Variants in CCDC73 observed in about 807,000 individuals in gnomAD.
CCDC73 encodes the protein coiled-coil domain containing 73.
In CCDC73, 95 loss-of-function variants were observed where a neutral mutation model predicts 116.5. The ratio of observed to expected loss-of-function variants is 0.82; its 90% CI spans 0.69 to 0.97. The LOEUF (loss-of-function observed/expected upper bound fraction) is 0.97, where lower values mean the gene tolerates loss of function less well. Among genes scored for constraint, CCDC73 ranks in the 50% least tolerant of loss-of-function variants. The probability of loss-of-function intolerance (pLI) is 0.00; values close to 1 mark genes in which losing one functional copy is unlikely to be tolerated. For missense variants in CCDC73, 1,066 were observed against 1,206.8 expected (o/e 0.88, Z 1.73); for synonymous variants, 398 against 401.3 (o/e 0.99, Z 0.10).
intron 2 of CCDC73, among the ~76,000 whole-genome samples, chr11:32,743,088 A>T (rs969659137): frequency 1.3e-5 from 2 of 152,040 alleles, no homozygotes; most frequent in African/African-American, 4.8e-5. Flanking sequence ...GTCAGGTAGC[A>T]TGATGCCTCC....
At chr11:32,829,865 A>G in the CCDC73 span, 1 of 985,514 alleles carries the variant, frequency 1.0e-6, no homozygotes, top group Non-Finnish European at 1.2e-6. Flanking sequence ...CGCCGCAGGT[A>G]GGCCCGGCCC....
chr11:32,643,670 A>C (rs917459764), intron 12 of CCDC73, among the ~76,000 whole-genome samples: 1 of 152,174 alleles, frequency 6.6e-6, no homozygotes, highest in Non-Finnish European at 1.5e-5. Flanking sequence ...AAGATTAAAA[A>C]TGGTACACAT....
intron 1 of CCDC73, among the ~76,000 whole-genome samples, chr11:32,783,532 C>T (rs190951621): frequency 1.2e-4 from 19 of 152,208 alleles, no homozygotes; most frequent in African/African-American, 3.9e-4. Flanking sequence ...CTGGGGAGTC[C>T]TAGATCAAAG....
intron 14 of CCDC73, among the ~76,000 whole-genome samples, chr11:32,621,383 C>T (rs780135337): frequency 1.8e-4 from 27 of 152,092 alleles, no homozygotes; most frequent in Non-Finnish European, 3.5e-4. Flanking sequence ...TCTACAACCA[C>T]CTGATCTTCG....
chr11:32,686,398 G>A (rs1856201394), intron 6 of CCDC73, among the ~76,000 whole-genome samples: 1 of 150,764 alleles, frequency 6.6e-6, no homozygotes, highest in South Asian at 2.1e-4. Flanking sequence ...GATGGATTAG[G>A]GGTTAGGAGA....
chr11:32,684,660 A>T (rs983667642), intron 6 of CCDC73, among the ~76,000 whole-genome samples: 1 of 152,178 alleles, frequency 6.6e-6, no homozygotes, highest in Non-Finnish European at 1.5e-5. Flanking sequence ...AAGTTCCAAG[A>T]AGCAGAATTT....
chr11:32,676,964 T>C (rs1284524540), intron 7 of CCDC73, among the ~76,000 whole-genome samples: 1 of 152,228 alleles, frequency 6.6e-6, no homozygotes, highest in Non-Finnish European at 1.5e-5. Context: ...ATACCTGCGA[T>C]ATGACTTTTA....
chr11:32,689,042 G>T lies in CCDC73; in HGVS notation c.391-5468C>A, dbSNP rs138707404. Among the ~76,000 whole-genome samples, 14 of 152,208 alleles carry T rather than the reference G, an allele frequency of 9.2e-5. No individual in the cohort carries two copies. The East Asian group carries it at 2.3e-3, about 25-fold the overall frequency. On this transcript the variant is annotated intron_variant, in intron 6 of 17. Transcript: ENST00000335185. ...AAGGGATCTAGCACACTGGTATAGA[G>T]AAAGGAATCTAGAAGAACAGCTAAT...
chr11:32,801,652 A>C, the CCDC73 span, among the ~76,000 whole-genome samples: 1 of 145,844 alleles, frequency 6.9e-6, no homozygotes, highest in Admixed American at 7.0e-5. Context: ...AAAAAAAAAA[A>C]ACAAACACTA....
At position 32,635,709 on chromosome 11, in the gene CCDC73, T is replaced by C; in HGVS notation, c.1172A>G (p.Asp391Gly). ...CTTAAATTTTACCTGAAACTTTTTG[T>C]CTTCCTCAAATGTTTTTTGATTGCA... The part of the protein sequence containing the change: ...KLCNQKTFEE[D>G]KKFQNVPEVN... The change falls in exon 14 of 18, where the codon GAC (aspartate) becomes GGC (glycine). Residue 391 changes from aspartate (D) to glycine (G), a missense_variant. Coordinates refer to ENST00000335185, the MANE Select transcript of CCDC73 (RefSeq NM_001008391.4). The C allele has an allele frequency of 7.6e-7, 1 of 1,311,712 alleles. No homozygotes were observed. The highest frequency in any genetic ancestry group is 2.2e-5 in the South Asian group (1 of 46,324). The allele number at this position is 1,311,712 out of a possible 1,614,324, so 81.3% of individuals were successfully genotyped here. A position where few individuals can be genotyped will look rare whatever the true frequency, so the allele number is the denominator to read the frequency against.
rs778510818 is a variant in CCDC73 at position 32,654,940 on chromosome 11, C to T, written c.678G>A (p.Lys226=). 1.9e-6 allele frequency: 3 copies of T among 1,602,198 alleles called. No individual in the cohort carries two copies. In the East Asian group the frequency reaches 6.7e-5, roughly 36 times the overall value. The part of the protein sequence containing the change: ...ELKKAASDLI[K]SKVTCQYKMG... The stretch of plus-strand genomic sequence containing the variant: ...TCTTATATTGACATGTGACTTTGGA[C>T]TTTATCAAGTCTGAGGCTGCTTTTT... The change falls in exon 10 of 18, where the codon AAG becomes AAA. Residue 226 remains lysine, a synonymous_variant. Coordinates refer to ENST00000335185, the MANE Select transcript of CCDC73 (RefSeq NM_001008391.4).
intron 17 of CCDC73, among the ~76,000 whole-genome samples, chr11:32,608,915 C>T (rs1855388059): frequency 6.6e-6 from 1 of 152,092 alleles, no homozygotes; most frequent in East Asian, 1.9e-4. Context: ...TGACTTGGCT[C>T]CTTTTAATCA....
the CCDC73 span, among the ~76,000 whole-genome samples, chr11:32,817,634 T>C: frequency 6.6e-6 from 1 of 152,198 alleles, no homozygotes; most frequent in African/African-American, 2.4e-5. Context: ...ACTATTCTCC[T>C]GTTTAAAAAT....
chr11:32,602,912 G>C lies in CCDC73; in HGVS notation c.3139C>G (p.Gln1047Glu). The C allele has an allele frequency of 2.5e-6, 4 of 1,611,806 alleles. No individual in the cohort carries two copies. Among genetic ancestry groups the C allele is most frequent in the Non-Finnish European group, 3.4e-6 (4 of 1,178,744 alleles). ...AGTAAATTTTCACTTTTATTTAGTTGATTCGTAATGAGGCTCTGCCAGTCA... is the reference window on the plus strand; with the variant it reads ...AGTAAATTTTCACTTTTATTTAGTTCATTCGTAATGAGGCTCTGCCAGTCA... ...DDDWQSLITN[Q>E]LNKSENLLSL... The change falls in exon 18 of 18, where the codon CAA becomes GAA. Residue 1047 changes from glutamine to glutamate, a missense_variant. Physicochemically the swap from Gln to Glu is conservative, Grantham distance 29 (BLOSUM62 2). Transcript: ENST00000335185.
intron 2 of CCDC73, among the ~76,000 whole-genome samples, chr11:32,756,735 GT>G (rs1425595566): frequency 6.6e-6 from 1 of 151,900 alleles, no homozygotes; most frequent in Non-Finnish European, 1.5e-5. Context: ...GTGGTTCAGT[GT>G]TTTAATTCCA....
At chr11:32,753,256 T>C (rs1178047410) in intron 2 of CCDC73, among the ~76,000 whole-genome samples, 1 of 151,948 alleles carries the variant, frequency 6.6e-6, no homozygotes, top group East Asian at 1.9e-4. Flanking sequence ...CTAGTATTTG[T>C]AGAGTGTTTT....
the CCDC73 span, among the ~76,000 whole-genome samples, chr11:32,808,816 T>C: frequency 0.075 from 11,364 of 152,322 alleles, 452 homozygotes; most frequent in Non-Finnish European, 0.089. Context: ...AATTGTTTAA[T>C]GCCAAATAAA....
intron 12 of CCDC73, among the ~76,000 whole-genome samples, chr11:32,646,915 T>C (rs980157622): frequency 3.3e-5 from 5 of 152,224 alleles, no homozygotes; most frequent in Admixed American, 6.5e-5. Context: ...GTACTTTTTA[T>C]GTCTGCTAAT....
chr11:32,705,966 C>A, intron 3 of CCDC73, among the ~76,000 whole-genome samples: 1 of 143,364 alleles, frequency 7.0e-6, no homozygotes, highest in African/African-American at 2.6e-5. Context: ...ATTCCCATAG[C>A]TAATTTTAAA....
Sources: allele counts gnomAD v4.1 joint callset (sites outside exome capture counted in the v4.1 genomes callset), GRCh38; gene constraint gnomAD v4.1.1; transcripts MANE v1.5; gene names NCBI Gene and HGNC (gene_info 2026-07-23, HGNC 2026-07-21).